The following CCDC51 variants were observed in gnomAD, a reference collection of about 807,000 sequenced individuals.
CCDC51 encodes coiled-coil domain containing 51, also known as mitochondrial potassium channel.
CCDC51 carries 25 observed loss-of-function variants against 24.8 expected under a neutral mutation model. The ratio of observed to expected loss-of-function variants is 1.01; its 90% CI spans 0.73 to 1.41. CCDC51 has a LOEUF of 1.41. Among genes scored for constraint, CCDC51 ranks in the 40% most tolerant of loss-of-function variants. CCDC51 has a pLI of 0.00. For missense variants in CCDC51, 466 were observed against 519.1 expected (o/e 0.90, Z 0.99); for synonymous variants, 190 against 204.3 (o/e 0.93, Z 0.60).
Position 48,434,904 on chromosome 3 carries a change from C to G in CCDC51, c.225G>C (p.Ala75=), listed in dbSNP as rs771455628. 26 of 1,614,124 alleles carry G rather than the reference C, an allele frequency of 1.6e-5. No homozygotes were observed. The highest frequency in any genetic ancestry group is 4.0e-5 in the African/African-American group (3 of 74,962). Residue 75 remains alanine, a synonymous_variant, in exon 2 of 4, where the codon GCG becomes GCC. Coordinates refer to ENST00000395694, the MANE Select transcript of CCDC51 (RefSeq NM_001256964.2). ...CCCACCAAGTCTTGGCTGTGGAGGT[C>G]GCTCGTTGCTGAATGCTGTGCCCCA... is the stretch of plus-strand genomic sequence containing the variant. ...RALGHSIQQR[A]TSTAKTWWDR...
At chr3:48,440,714 C>T (rs960138009), upstream of CCDC51, 43 of 1,213,916 alleles carry the variant, frequency 3.5e-5, no homozygotes, top group Admixed American at 4.3e-5. Flanking sequence ...TTTTTCCTGC[C>T]TCCTGAACTG....
intron 1 of CCDC51, among the ~76,000 whole-genome samples, chr3:48,439,752 A>T (rs1560094795): frequency 6.6e-6 from 1 of 152,178 alleles, no homozygotes; most frequent in South Asian, 2.1e-4. Context: ...CACCAAAATA[A>T]ATTTTTTTGA....
At chr3:48,441,651 C>A (rs1021873107), upstream of CCDC51, among the ~76,000 whole-genome samples, 1 of 152,166 alleles carries the variant, frequency 6.6e-6, no homozygotes, top group Non-Finnish European at 1.5e-5. Context: ...TTTTTTACAT[C>A]TTTTATGTAG....
chr3:48,440,250 A>T (rs750954883), upstream of CCDC51: 15 of 1,570,622 alleles, frequency 9.6e-6, no homozygotes, highest in Middle Eastern at 6.8e-4. Flanking sequence ...GGTGGGGCAG[A>T]CGCTCCGTTT....
Position 48,432,574 on chromosome 3 carries a change from A to C in CCDC51, c.1070T>G (p.Met357Arg). 6.2e-7 allele frequency: 1 copy of C among 1,614,274 alleles called. No homozygotes were observed. The highest frequency in any genetic ancestry group is 8.5e-7 in the Non-Finnish European group (1 of 1,180,050). ...PGLVEPADGA[M>R]PSFLLEQGSM... ...CCCCTGCTCCAGCAAGAAGCTGGGCATAGCCCCGTCTGCTGGTTCCACCAG... is the reference window on the plus strand; with the variant it reads ...CCCCTGCTCCAGCAAGAAGCTGGGCCTAGCCCCGTCTGCTGGTTCCACCAG... Residue 357 changes from methionine (M) to arginine (R), a missense_variant, in exon 4 of 4, where the codon ATG becomes AGG. By Grantham distance (91) the Met-to-Arg change is moderately conservative (BLOSUM62 -1). Coordinates refer to ENST00000395694, the MANE Select transcript of CCDC51 (RefSeq NM_001256964.2).
chr3:48,432,489 G>C lies in CCDC51; in HGVS notation c.1155C>G (p.Asn385Lys). ...EQRLEAQVNR[N>K]TIYSTLVTCV... ...AGGTGACCAGGGTGCTATAGATGGT[G>C]TTCCTGTTGACTTGGGCTTCTAGTC... Residue 385 changes from asparagine to lysine, a missense_variant, in exon 4 of 4, where the codon AAC (asparagine) becomes AAG (lysine). Transcript: ENST00000395694. 6.2e-7 allele frequency: 1 copy of C among 1,614,238 alleles called. No homozygotes were observed. The highest frequency in any genetic ancestry group is 8.5e-7 in the Non-Finnish European group (1 of 1,180,048).
At chr3:48,439,737 GC>G (rs1032412842) in intron 1 of CCDC51, among the ~76,000 whole-genome samples, 31 of 152,288 alleles carry the variant, frequency 2.0e-4, no homozygotes, top group African/African-American at 7.2e-4. Flanking sequence ...GAGTTGTATG[GC>G]CATCACCAAA....
chr3:48,439,433 A>G (rs2039480387), intron 1 of CCDC51, among the ~76,000 whole-genome samples: 1 of 152,234 alleles, frequency 6.6e-6, no homozygotes, highest in Non-Finnish European at 1.5e-5. Flanking sequence ...GGAGTTCGAG[A>G]CCAGCCTGGC....
chr3:48,434,210 G>A (rs76881844), intron 2 of CCDC51, among the ~76,000 whole-genome samples: 3,217 of 152,266 alleles, frequency 0.021, 102 homozygotes, highest in African/African-American at 0.069. Flanking sequence ...TTATAACAAT[G>A]CCATGAAAGG....
chr3:48,444,840 C>G (rs987276955), upstream of CCDC51, among the ~76,000 whole-genome samples: 1 of 152,148 alleles, frequency 6.6e-6, no homozygotes, highest in African/African-American at 2.4e-5. Flanking sequence ...GAAGCCCCAG[C>G]CCACTTGCTG....
At chr3:48,444,628 G>A (rs540587562), upstream of CCDC51, among the ~76,000 whole-genome samples, 2 of 152,280 alleles carry the variant, frequency 1.3e-5, no homozygotes, top group African/African-American at 4.8e-5. Context: ...CCAAATTGCC[G>A]TATATTTTGA....
the CCDC51 span, chr3:48,446,600 T>G: frequency 2.6e-6 from 1 of 377,966 alleles, no homozygotes. Context: ...ACTGAGTCCT[T>G]GCAGCAAACC....
Position 48,432,591 on chromosome 3 carries a change from T to G in CCDC51, c.1053A>C (p.Glu351Asp), listed in dbSNP as rs769009345. The G allele has an allele frequency of 8.7e-6, 14 of 1,614,138 alleles. 1 individual carries two copies. The South Asian group carries it at 1.5e-4, about 18-fold the overall frequency. Reference protein sequence around the residue: ...VKSAAHPGLVEPADGAMPSFL... With the variant: ...VKSAAHPGLVDPADGAMPSFL... Reference sequence around the variant, plus strand: ...AGCTGGGCATAGCCCCGTCTGCTGGTTCCACCAGGCCTGGGTGTGCTGCAG... The same window carrying G: ...AGCTGGGCATAGCCCCGTCTGCTGGGTCCACCAGGCCTGGGTGTGCTGCAG... Residue 351 changes from glutamate to aspartate, a missense_variant, in exon 4 of 4, where the codon GAA becomes GAC. By Grantham distance (45) the Glu-to-Asp change is conservative (BLOSUM62 2). Transcript: ENST00000395694.
intron 1 of CCDC51, among the ~76,000 whole-genome samples, chr3:48,439,426 G>A (rs1392547598): frequency 6.6e-6 from 1 of 152,254 alleles, no homozygotes; most frequent in African/African-American, 2.4e-5. Context: ...GAGGTCAGGA[G>A]TTCGAGACCA....
chr3:48,446,370 T>G, the CCDC51 span: 1 of 153,704 alleles, frequency 6.5e-6, no homozygotes, highest in Non-Finnish European at 1.4e-5. Context: ...AGCCTAGGGG[T>G]TTGTGGGAGG....
In CCDC51 at chr3:48,440,050, T is replaced by A. The variant is rs2039513693; in HGVS notation, c.-71A>T. On this transcript the variant is annotated 5_prime_UTR_variant, in exon 1 of 4. Transcript: ENST00000395694. ...AGGCCGTCCGGTTAAGTACCCCTCC[T>A]ACGGTTCCGATTCTACCCTGGCAGG... The A allele has an allele frequency of 1.6e-6, 1 of 619,670 alleles. No individual in the cohort carries two copies. Among genetic ancestry groups the A allele is most frequent in the Non-Finnish European group, 2.7e-6 (1 of 371,298 alleles). The allele number at this position is 619,670 out of a possible 1,614,324, so 38.4% of individuals were successfully genotyped here.
At position 48,432,540 on chromosome 3, in the gene CCDC51, G is replaced by T. The variant is rs35501768; in HGVS notation, c.1104C>A (p.Ile368=). ...PSFLLEQGSM[I]LALSDTEQRL... is the part of the protein sequence containing the mutation. ...TCTGCTCCGTGTCTGACAGTGCCAA[G>T]ATCATGCTCCCCTGCTCCAGCAAGA... Residue 368 remains isoleucine (I), a synonymous_variant, in exon 4 of 4, where the codon ATC becomes ATA. Transcript: ENST00000395694. 6.2e-7 allele frequency: 1 copy of T among 1,614,228 alleles called. No individual in the cohort carries two copies. The highest frequency in any genetic ancestry group is 1.6e-4 in the Middle Eastern group (1 of 6,062).
At chr3:48,444,341 C>G (rs2039629756), upstream of CCDC51, 1 of 152,662 alleles carries the variant, frequency 6.6e-6, no homozygotes, top group Middle Eastern at 3.1e-3. Flanking sequence ...GGCATGATCT[C>G]TGCTCAATGC....
At chr3:48,441,690 T>C (rs1430926986), upstream of CCDC51, among the ~76,000 whole-genome samples, 1 of 152,204 alleles carries the variant, frequency 6.6e-6, no homozygotes, top group African/African-American at 2.4e-5. Flanking sequence ...CAAAATATTT[T>C]TCAGGCCCAG....
Sources: allele counts gnomAD v4.1 joint callset (sites outside exome capture counted in the v4.1 genomes callset), GRCh38; gene constraint gnomAD v4.1.1; transcripts MANE v1.5; gene names NCBI Gene and HGNC (gene_info 2026-07-23, HGNC 2026-07-21).